The following CDH1 variants were observed in gnomAD, a reference collection of about 807,000 sequenced individuals.
CDH1 encodes cadherin 1, also known as cadherin-1.
Under a neutral mutation model 84.5 loss-of-function variants are expected in CDH1, and 35 were observed. The ratio of observed to expected loss-of-function variants is 0.41; its 90% CI spans 0.32 to 0.55. The LOEUF is 0.55. CDH1 is among the 20% of genes least tolerant of loss of function. The pLI is 0.19. For synonymous variants in CDH1, 417 were observed against 439.0 expected (o/e 0.95, Z 0.63); for missense variants, 994 against 1,126.6 (o/e 0.88, Z 1.68).
chr16:68,757,525 T>G (rs890579177), intron 2 of CDH1, among the ~76,000 whole-genome samples: 5 of 152,232 alleles, frequency 3.3e-5, no homozygotes, highest in Admixed American at 3.3e-4. Flanking sequence ...CTGTTGAACC[T>G]AGGAAACCAC....
intron 13 of CDH1, among the ~76,000 whole-genome samples, chr16:68,824,897 G>T (rs1018114655): frequency 1.3e-5 from 2 of 152,148 alleles, no homozygotes; most frequent in African/African-American, 4.8e-5. Context: ...CAGAACTCTG[G>T]TAGGGCTTTA....
chr16:68,772,690 T>A (rs886917463), intron 2 of CDH1, among the ~76,000 whole-genome samples: 1 of 152,116 alleles, frequency 6.6e-6, no homozygotes, highest in African/African-American at 2.4e-5. Flanking sequence ...ATCCCAGTAC[T>A]TTGGGAGGCC....
At chr16:68,810,172 A>C (rs747621972) in intron 5 of CDH1, 25 bp from the exon 6 acceptor site, 14 of 1,613,830 alleles carry the variant, frequency 8.7e-6, no homozygotes, top group African/African-American at 1.3e-5. Flanking sequence ...TCAGAGCTCA[A>C]GTCACCCTCA....
intron 2 of CDH1, among the ~76,000 whole-genome samples, chr16:68,749,931 G>A (rs933500480): frequency 2.6e-5 from 4 of 152,022 alleles, no homozygotes; most frequent in African/African-American, 9.7e-5. Flanking sequence ...CGGAGAAGCT[G>A]TCATTGTACC....
At chr16:68,802,693 A>T (rs1292926705) in intron 3 of CDH1, among the ~76,000 whole-genome samples, 7 of 152,098 alleles carry the variant, frequency 4.6e-5, no homozygotes, top group African/African-American at 7.2e-5. Flanking sequence ...CTGGTCTCGA[A>T]TTCCTGACCT....
chr16:68,766,622 CTATTAT>C (rs1311720794), intron 2 of CDH1, among the ~76,000 whole-genome samples: 1 of 152,168 alleles, frequency 6.6e-6, no homozygotes, highest in African/African-American at 2.4e-5. Context: ...AACATAATTG[CTATTAT>C]TATTAACACT....
chr16:68,802,044 C>A (rs144071677), intron 3 of CDH1, 151 bp downstream of exon 3: 14 of 728,178 alleles, frequency 1.9e-5, no homozygotes, highest in Non-Finnish European at 3.1e-5. Context: ...TAGCAAGCAT[C>A]CCTGGCCTTA....
At chr16:68,819,697 C>T (rs1356637268) in intron 11 of CDH1, among the ~76,000 whole-genome samples, 1 of 152,136 alleles carries the variant, frequency 6.6e-6, no homozygotes, top group South Asian at 2.1e-4. Flanking sequence ...CCTCCCACCC[C>T]TTGGACCCTT....
chr16:68,749,929 C>T (rs1039100076), intron 2 of CDH1, among the ~76,000 whole-genome samples: 4 of 152,072 alleles, frequency 2.6e-5, no homozygotes, highest in African/African-American at 9.7e-5. Flanking sequence ...TTCGGAGAAG[C>T]TGTCATTGTA....
chr16:68,763,990 C>A (rs9928847), intron 2 of CDH1, among the ~76,000 whole-genome samples: 1 of 151,930 alleles, frequency 6.6e-6, no homozygotes, highest in African/African-American at 2.4e-5. Context: ...GGGGGGATGG[C>A]GGACACATGG....
chr16:68,777,340 T>A (rs1054452932), intron 2 of CDH1, among the ~76,000 whole-genome samples: 2 of 152,168 alleles, frequency 1.3e-5, no homozygotes, highest in Non-Finnish European at 2.9e-5. Flanking sequence ...GTTTTCTCAT[T>A]TGTCAAATGG....
chr16:68,800,486 C>T (rs563922617), intron 2 of CDH1, among the ~76,000 whole-genome samples: 4 of 152,292 alleles, frequency 2.6e-5, no homozygotes, highest in South Asian at 2.1e-4. Flanking sequence ...GCTGCCTAGG[C>T]GTCAGGGATG....
At chr16:68,815,078 T>C (rs996868931) in intron 9 of CDH1, among the ~76,000 whole-genome samples, 6 of 151,474 alleles carry the variant, frequency 4.0e-5, no homozygotes, top group African/African-American at 1.5e-4. Flanking sequence ...ATACAAAAAA[T>C]TAGCCAGGTG....
Position 68,813,398 on chromosome 16 carries a change from C to A in CDH1, c.1223C>A (p.Ala408Glu), listed in dbSNP as rs138135866. The A allele has an allele frequency of 1.9e-6, 3 of 1,614,036 alleles. No homozygotes were observed. The highest frequency in any genetic ancestry group is 2.5e-6 in the Non-Finnish European group (3 of 1,179,968). ...VTDADAPNTP[A>E]WEAVYTILND... ...GATGCTGATGCCCCCAATACCCCAG[C>A]GTGGGAGGCTGTATACACCATATTG... Residue 408 changes from alanine to glutamate, a missense_variant, in exon 9 of 16, where the codon GCG becomes GAG. Ala to Glu is a moderately radical substitution (Grantham distance 107, BLOSUM62 -1). Transcript: ENST00000261769.
rs903798022 is a variant in CDH1 at position 68,811,208 on chromosome 16, A to G, written c.833-476A>G. Among the ~76,000 whole-genome samples the G allele has an allele frequency of 4.6e-5, 7 of 151,900 alleles. No individual in the cohort carries two copies. The East Asian group carries it at 7.8e-4, about 17-fold the overall frequency. On this transcript the variant is annotated intron_variant, in intron 6 of 15. Transcript: ENST00000261769. ...AGGTCAGGAGTTTGAGACCAGCCTGACCAACATGGAGAAACCCTGTCTCTA... is the reference window on the plus strand; with the variant it reads ...AGGTCAGGAGTTTGAGACCAGCCTGGCCAACATGGAGAAACCCTGTCTCTA...
At chr16:68,759,621 C>G (rs1002283728) in intron 2 of CDH1, among the ~76,000 whole-genome samples, 1 of 151,836 alleles carries the variant, frequency 6.6e-6, no homozygotes, top group Admixed American at 6.6e-5. Flanking sequence ...TCCCAAGTAG[C>G]TGGGATTACA....
chr16:68,749,344 G>A (rs575261374), intron 2 of CDH1, among the ~76,000 whole-genome samples: 1 of 152,284 alleles, frequency 6.6e-6, no homozygotes, highest in South Asian at 2.1e-4. Flanking sequence ...TTTTCAAAGG[G>A]GTATTTGGGA....
rs730881669 is a variant in CDH1 at position 68,828,228 on chromosome 16, C to A, written c.2219C>A (p.Pro740His). ...FLRRRAVVKE[P>H]LLPPEDDTRD... is the part of the protein sequence containing the mutation. ...CGGAGGAGAGCGGTGGTCAAAGAGCCCTTACTGCCCCCAGAGGATGACACC... is the reference window on the plus strand; with the variant it reads ...CGGAGGAGAGCGGTGGTCAAAGAGCACTTACTGCCCCCAGAGGATGACACC... The change falls in exon 14 of 16, where the codon CCC (proline) becomes CAC (histidine). Residue 740 changes from proline to histidine, a missense_variant. Physicochemically the swap from Pro to His is moderately conservative, Grantham distance 77. Coordinates refer to ENST00000261769, the MANE Select transcript of CDH1 (RefSeq NM_004360.5). 6 of 1,613,890 alleles carry A rather than the reference C, an allele frequency of 3.7e-6. No individual in the cohort carries two copies. The highest frequency in any genetic ancestry group is 3.3e-5 in the Admixed American group (2 of 59,980).
intron 8 of CDH1, 73 bp downstream of exon 8, chr16:68,812,336 C>T (rs747809628): frequency 1.3e-6 from 2 of 1,496,200 alleles, no homozygotes; most frequent in African/African-American, 2.8e-5. Context: ...GTCACCACTG[C>T]TCATGGGCGA....
Sources: gnomAD v4.1 joint callset for allele counts (sites outside exome capture counted in the v4.1 genomes callset) on GRCh38, gnomAD v4.1.1 for gene constraint, MANE v1.5 for transcripts, NCBI Gene and HGNC (gene_info 2026-07-23, HGNC 2026-07-21) for gene names.